Variants in SVIL observed in about 807,000 individuals in gnomAD.
SVIL encodes supervillin.
SVIL carries 101 observed loss-of-function variants against 240.4 expected under a neutral mutation model. The ratio of observed to expected loss-of-function variants is 0.42; its 90% confidence interval spans 0.36 to 0.50. SVIL has a LOEUF of 0.50. Ranked by LOEUF, SVIL falls within the 20% of genes least tolerant of loss-of-function variation. The pLI is 0.01. For synonymous variants in SVIL, 999 were observed against 1,100.0 expected (o/e 0.91, Z 1.82); for missense variants, 2,512 against 2,818.7 (o/e 0.89, Z 2.46).
intron 31 of SVIL, 38 bp downstream of exon 31, chr10:29,471,100 A>G (rs1225290469): frequency 6.4e-7 from 1 of 1,572,728 alleles, no homozygotes; most frequent in South Asian, 1.1e-5. Context: ...CAAGAGAGGG[A>G]AAGGCAAAGT....
chr10:29,487,868 G>A (rs1027303843), intron 23 of SVIL: 9 of 152,618 alleles, frequency 5.9e-5, no homozygotes, highest in African/African-American at 2.2e-4. Context: ...TTAGGACTCA[G>A]GACAGAGATT....
At position 29,550,851 on chromosome 10, in the gene SVIL, G is replaced by A. The variant is rs200054252; in HGVS notation, c.573C>T (p.Asp191=). 149 of 1,613,926 alleles carry A rather than the reference G, an allele frequency of 9.2e-5. No homozygotes were observed. The highest frequency in any genetic ancestry group is 3.0e-4 in the South Asian group (27 of 91,076). ...ESKDYALHVG[D]GSSDPEVLLN... is the part of the protein sequence containing the mutation. ...GCAGCACCTCCGGGTCGGAAGAGCC[G>A]TCACCCACATGGAGGGCATAGTCCT... The change falls in exon 6 of 38, where the codon GAC becomes GAT. Residue 191 remains aspartate (D), a synonymous_variant. Transcript: ENST00000355867.
At chr10:29,502,755 G>A (rs1949000312) in intron 17 of SVIL, among the ~76,000 whole-genome samples, 1 of 152,072 alleles carries the variant, frequency 6.6e-6, no homozygotes, top group Non-Finnish European at 1.5e-5. Flanking sequence ...CTTAGGGATG[G>A]TCAGATATTG....
chr10:29,543,534 C>T (rs971485683), intron 6 of SVIL, among the ~76,000 whole-genome samples: 3 of 152,160 alleles, frequency 2.0e-5, no homozygotes, highest in Admixed American at 6.5e-5. Flanking sequence ...TGAACTTGTG[C>T]ACTGATTTTT....
At position 29,512,853 on chromosome 10, in the gene SVIL, AG is replaced by A. The variant is rs1949940725; in HGVS notation, c.3397del (p.Leu1133CysfsTer2). The stretch of plus-strand genomic sequence containing the variant: ...ATCTTCCTCCCCGCTTTTCTTCAAC[AG>A]TGCCAATCTAGGAGGAAAACATGCC... ...KTMSIKERLA[L>X]LKKSGEEDWR... On this transcript the variant is annotated frameshift_variant, in exon 17 of 38. Coordinates refer to ENST00000355867, the MANE Select transcript of SVIL (RefSeq NM_021738.3). LOFTEE classifies it high-confidence loss of function. 1 of 1,609,988 alleles carries A rather than the reference AG, an allele frequency of 6.2e-7. No individual in the cohort carries two copies. Among genetic ancestry groups the A allele is most frequent in the South Asian group, 1.1e-5 (1 of 90,972 alleles).
chr10:29,526,308 T>TC (rs1185061876), intron 13 of SVIL, among the ~76,000 whole-genome samples: 11 of 141,220 alleles, frequency 7.8e-5, no homozygotes, highest in Non-Finnish European at 1.1e-4. Flanking sequence ...TCTCTTTCTT[T>TC]TTTTTTTTTT....
intron 1 of SVIL, among the ~76,000 whole-genome samples, chr10:29,693,512 T>A (rs1961681678): frequency 6.6e-6 from 1 of 152,102 alleles, no homozygotes; most frequent in African/African-American, 2.4e-5. Flanking sequence ...GGGCAGTAAG[T>A]TCCTAGAGAT....
intron 2 of SVIL, among the ~76,000 whole-genome samples, chr10:29,662,472 A>T (rs1353376319): frequency 6.6e-6 from 1 of 152,238 alleles, no homozygotes; most frequent in Admixed American, 6.5e-5. Flanking sequence ...TAAAATGCCA[A>T]ATCAACAAGA....
chr10:29,478,441 T>C (rs1433828861), intron 29 of SVIL, among the ~76,000 whole-genome samples: 1 of 152,226 alleles, frequency 6.6e-6, no homozygotes, highest in Non-Finnish European at 1.5e-5. Context: ...TATAAAGTCC[T>C]GTGAGCTGAG....
At chr10:29,559,169 G>A (rs1954221090) in intron 3 of SVIL, among the ~76,000 whole-genome samples, 1 of 151,860 alleles carries the variant, frequency 6.6e-6, no homozygotes, top group African/African-American at 2.4e-5. Context: ...GTTGCCTTCT[G>A]GTTGAAAATC....
chr10:29,540,949 G>A lies in SVIL; in HGVS notation c.828-4880C>T, dbSNP rs182468201. 3.0e-3 allele frequency among the ~76,000 whole-genome samples: 462 copies of A among 152,302 alleles called. 2 individuals are homozygous for A. The highest frequency in any genetic ancestry group is 5.7e-3 in the Non-Finnish European group (390 of 68,036). ...CATAATACTGAGGGGTTGGCAAAGC[G>A]ATGCTCAACTGAGATTTTAAAATAT... On this transcript the variant is annotated intron_variant, in intron 6 of 37. Coordinates refer to ENST00000355867, the MANE Select transcript of SVIL (RefSeq NM_021738.3).
chr10:29,581,669 A>C (rs1466812665), intron 1 of SVIL, among the ~76,000 whole-genome samples: 1 of 152,236 alleles, frequency 6.6e-6, no homozygotes, highest in Non-Finnish European at 1.5e-5. Context: ...TTAATGTTCA[A>C]AAGAGTAATG....
Position 29,605,037 on chromosome 10 carries a change from T to C in SVIL, c.-201+29383A>G, listed in dbSNP as rs570094999. 5.3e-5 allele frequency among the ~76,000 whole-genome samples: 8 copies of C among 152,308 alleles called. 1 individual carries two copies. The South Asian group carries it at 1.5e-3, about 28-fold the overall frequency. ...CTGTTATTTGTTTCTTGTTTGTCCT[T>C]ATGGAGTTTCTTTATGCAAGCAAAT... is the stretch of plus-strand genomic sequence containing the variant. On this transcript the variant is annotated intron_variant, in intron 1 of 37. Transcript: ENST00000355867.
intron 6 of SVIL, among the ~76,000 whole-genome samples, chr10:29,547,420 T>C (rs952438272): frequency 1.3e-5 from 2 of 150,804 alleles, no homozygotes; most frequent in Middle Eastern, 3.4e-3. Context: ...TGCACCTCTC[T>C]AGAAGTCCTT....
At chr10:29,649,146 C>G (rs1032949708) in intron 3 of SVIL, among the ~76,000 whole-genome samples, 1 of 151,942 alleles carries the variant, frequency 6.6e-6, no homozygotes, top group African/African-American at 2.4e-5. Context: ...GGTGACAGAG[C>G]GAGGCCCTGT....
intron 1 of SVIL, among the ~76,000 whole-genome samples, chr10:29,572,429 G>C (rs191263671): frequency 1.3e-5 from 2 of 152,200 alleles, no homozygotes; most frequent in Admixed American, 1.3e-4. Flanking sequence ...GTTGGGAGGA[G>C]AAGAGGAAGG....
intron 17 of SVIL, among the ~76,000 whole-genome samples, chr10:29,501,392 A>T (rs1453430961): frequency 4.0e-5 from 6 of 150,538 alleles, no homozygotes; most frequent in Non-Finnish European, 5.9e-5. Context: ...TTTCCAAACT[A>T]CTGGCACATG....
At chr10:29,615,493 G>C (rs976610506) in intron 1 of SVIL, among the ~76,000 whole-genome samples, 2 of 152,174 alleles carry the variant, frequency 1.3e-5, no homozygotes, top group Non-Finnish European at 2.9e-5. Context: ...GTTATTCCTC[G>C]CTTGTCACCT....
At chr10:29,620,662 A>G (rs956746920) in intron 1 of SVIL, among the ~76,000 whole-genome samples, 19 of 152,222 alleles carry the variant, frequency 1.2e-4, no homozygotes, top group Admixed American at 7.2e-4. Context: ...AGTCTCACCC[A>G]GGCTGGAGTA....
Sources: allele counts gnomAD v4.1 joint callset (sites outside exome capture counted in the v4.1 genomes callset), GRCh38; gene constraint gnomAD v4.1.1; transcripts MANE v1.5; gene names NCBI Gene and HGNC (gene_info 2026-07-23, HGNC 2026-07-21).